Variants in ACTR8 observed in about 807,000 individuals in gnomAD.
ACTR8 encodes actin-related protein 8.
Under a neutral mutation model 84.3 loss-of-function variants are expected in ACTR8, and 70 were observed. That is an observed-to-expected ratio of 0.83 (90% CI 0.68 to 1.01). The LOEUF (loss-of-function observed/expected upper bound fraction) is 1.01, where lower values mean the gene tolerates loss of function less well. Ranked by LOEUF, ACTR8 falls within the 50% of genes least tolerant of loss-of-function variation. The pLI is 0.00. For missense variants in ACTR8, 672 were observed against 775.4 expected, an observed-to-expected ratio of 0.87 and a Z score of 1.58; for synonymous variants, 268 against 275.2, an observed-to-expected ratio of 0.97 and a Z score of 0.26.
chr3:53,864,949 A>C (rs895231805), downstream of ACTR8: 61 of 1,614,056 alleles, frequency 3.8e-5, no homozygotes, highest in Non-Finnish European at 5.0e-5. Flanking sequence ...GTGGCTTGCC[A>C]CTCAAAAGAA....
chr3:53,864,763 T>C, downstream of ACTR8: 4 of 1,608,716 alleles, frequency 2.5e-6, no homozygotes, highest in Non-Finnish European at 3.4e-6. Context: ...CAAGAAGACT[T>C]CCTTTTCTAC....
At position 53,868,820 on chromosome 3, in the gene ACTR8, A is replaced by G; in HGVS notation, c.1774T>C (p.Leu592=). 6.2e-7 allele frequency: 1 copy of G among 1,614,228 alleles called. No homozygotes were observed. The highest frequency in any genetic ancestry group is 8.5e-7 in the Non-Finnish European group (1 of 1,180,040). The stretch of plus-strand genomic sequence containing the variant: ...TCCTGTGTTGTATCCAAACAAGCCA[A>G]CACTGCCCCTCCTTTCCATGCAATC... The part of the protein sequence containing the change: ...RLIAWKGGAV[L]ACLDTTQELW... The change falls in exon 13 of 13, where the codon TTG becomes CTG. Residue 592 remains leucine (L), a synonymous_variant. Transcript: ENST00000335754.
In ACTR8 at chr3:53,869,961, T is replaced by C. The variant is rs74431192; in HGVS notation, c.1731+21A>G. 11,097 of 1,612,964 alleles carry C rather than the reference T, an allele frequency of 6.9e-3. 50 individuals carry two copies. Among genetic ancestry groups the C allele is most frequent in the African/African-American group, 0.011 (822 of 75,012 alleles). The stretch of plus-strand genomic sequence containing the variant: ...TGGTTTCATTTGCATACAGTCCAAC[T>C]TGCACAATGAAACAACCTACCTTAG... On this transcript the variant is annotated intron_variant, in intron 12 of 12. Coordinates refer to ENST00000335754, the MANE Select transcript of ACTR8 (RefSeq NM_022899.5).
At position 53,877,683 on chromosome 3, in the gene ACTR8, G is replaced by A; in HGVS notation, c.474C>T (p.Asn158=). 6.2e-7 allele frequency: 1 copy of A among 1,614,100 alleles called. No individual in the cohort carries two copies. The highest frequency in any genetic ancestry group is 8.5e-7 in the Non-Finnish European group (1 of 1,179,996). ...CTAAATACTCAGGGTGATGAGATGTGTTTGTCCACTTATTTCCCGAACAGT... is the reference window on the plus strand; with the variant it reads ...CTAAATACTCAGGGTGATGAGATGTATTTGTCCACTTATTTCCCGAACAGT... ...LDHCSGNKWT[N]TSHHPEYLVG... The change falls in exon 4 of 13, where the codon AAC becomes AAT. Residue 158 remains asparagine, a synonymous_variant. Transcript: ENST00000335754.
rs556990155 is a variant in ACTR8, at chr3:53,871,344, G to A, written c.1455C>T (p.Asn485=). 1.8e-5 allele frequency: 29 copies of A among 1,614,242 alleles called. No homozygotes were observed. The highest frequency in any genetic ancestry group is 5.0e-5 in the Admixed American group (3 of 60,034). The change falls in exon 11 of 13, where the codon AAC becomes AAT. Residue 485 remains asparagine (N), a synonymous_variant. Coordinates refer to ENST00000335754, the MANE Select transcript of ACTR8 (RefSeq NM_022899.5). ...SAQGDGLMAG[N]DSEEALTALM... is the part of the protein sequence containing the mutation. ...GTGCAGTGAGGGCCTCCTCGGAATC[G>A]TTGCCGGCCATCAGGCCATCTCCCT...
At chr3:53,860,028 AAAAT>A in the ACTR8 span, 2 of 830,072 alleles carry the variant, frequency 2.4e-6, no homozygotes, top group Non-Finnish European at 3.8e-6. Flanking sequence ...AAAATAATAA[AAAAT>A]AAATAAACCT....
At position 53,877,801 on chromosome 3, in the gene ACTR8, G is replaced by A. The variant is rs755087993; in HGVS notation, c.406-50C>T. ...TTATCTCAATTTATTCAAGGCGGGGGCAACATAAGGGTCTCCTTTTCTTCT... is the reference window on the plus strand; with the variant it reads ...TTATCTCAATTTATTCAAGGCGGGGACAACATAAGGGTCTCCTTTTCTTCT... On this transcript the variant is annotated intron_variant, in intron 3 of 12. Transcript: ENST00000335754. 9 of 1,496,662 alleles carry A rather than the reference G, an allele frequency of 6.0e-6. No individual in the cohort carries two copies. The East Asian group carries it at 2.1e-4, about 34-fold the overall frequency. The allele number at this position is 1,496,662 out of a possible 1,614,324, so 92.7% of individuals were successfully genotyped here. A position where few individuals can be genotyped will look rare whatever the true frequency, so the allele number is the denominator to read the frequency against.
In ACTR8 at chr3:53,871,222, A is replaced by C. The variant is rs999146302; in HGVS notation, c.1567+10T>G. 6.2e-7 allele frequency: 1 copy of C among 1,608,248 alleles called. No homozygotes were observed. The highest frequency in any genetic ancestry group is 1.3e-5 in the African/African-American group (1 of 74,836). ...CACTGCTATCTCCCGGTCTCCCCAG[A>C]TGTGCTTACAACAGCAGTCTATGCT... On this transcript the variant is annotated intron_variant, in intron 11 of 12. Transcript: ENST00000335754.
downstream of ACTR8, among the ~76,000 whole-genome samples, chr3:53,864,498 G>A (rs181601283): frequency 6.6e-6 from 1 of 152,160 alleles, no homozygotes; most frequent in African/African-American, 2.4e-5. Flanking sequence ...TCACGCCACT[G>A]CACTCCAGCC....
At chr3:53,878,604 T>G (rs1188497495) in intron 2 of ACTR8, 137 bp from the exon 3 acceptor site, 7 of 637,958 alleles carry the variant, frequency 1.1e-5, no homozygotes, top group Non-Finnish European at 2.0e-5. Context: ...TTATCACATG[T>G]ACTGCTCTTA....
the ACTR8 span, chr3:53,860,238 A>G: frequency 2.4e-5 from 39 of 1,596,012 alleles, 1 homozygote; most frequent in South Asian, 3.7e-4. Context: ...GGTAAGGGTT[A>G]TAATTCTTTA....
chr3:53,872,467 T>A lies in ACTR8; in HGVS notation c.1219A>T (p.Thr407Ser). 1.2e-6 allele frequency: 2 copies of A among 1,610,748 alleles called. No individual in the cohort carries two copies. The highest frequency in any genetic ancestry group is 1.7e-6 in the Non-Finnish European group (2 of 1,178,852). ...TFGIVGQKMT[T>S]LQHRSQGDPE... ...TCGCCCTGAGATCTGTGCTGCAAAGTCGTCATTTTCTGTCCAACGATTCCA... is the reference window on the plus strand; with the variant it reads ...TCGCCCTGAGATCTGTGCTGCAAAGACGTCATTTTCTGTCCAACGATTCCA... Residue 407 changes from threonine (T) to serine (S), a missense_variant, in exon 10 of 13, where the codon ACT (threonine) becomes TCT (serine). By Grantham distance (58) the Thr-to-Ser change is moderately conservative (BLOSUM62 1). Transcript: ENST00000335754.
chr3:53,866,475 T>A (rs1022791481), downstream of ACTR8, among the ~76,000 whole-genome samples: 3 of 152,184 alleles, frequency 2.0e-5, no homozygotes, highest in Middle Eastern at 3.4e-3. Context: ...GCATCTTTTT[T>A]AAATTTTTTA....
At chr3:53,869,773 G>C (rs1225120014) in intron 12 of ACTR8, among the ~76,000 whole-genome samples, 2 of 152,178 alleles carry the variant, frequency 1.3e-5, no homozygotes, top group African/African-American at 4.8e-5. Context: ...AGTTTGGGGA[G>C]CACGGCAGGG....
intron 1 of ACTR8, among the ~76,000 whole-genome samples, chr3:53,881,006 C>G (rs1700049851): frequency 6.6e-6 from 1 of 152,248 alleles, no homozygotes; most frequent in Non-Finnish European, 1.5e-5. Context: ...TCACCCCCCA[C>G]AGAGTGGGAG....
At chr3:53,874,411 G>C (rs1323547421) in intron 7 of ACTR8, 47 bp from the exon 8 acceptor site, 1 of 1,574,512 alleles carries the variant, frequency 6.4e-7, no homozygotes, top group Non-Finnish European at 8.6e-7. Context: ...TGGTTAAGAA[G>C]GTGCAAAAGG....
rs201796393 is a variant in ACTR8 at position 53,872,524 on chromosome 3, C to A, written c.1162G>T (p.Ala388Ser). Residue 388 changes from alanine to serine, a missense_variant and splice_region_variant, in exon 10 of 13, where the codon GCT (alanine) becomes TCT (serine). Ala to Ser is a moderately conservative substitution (Grantham distance 99). Coordinates refer to ENST00000335754, the MANE Select transcript of ACTR8 (RefSeq NM_022899.5). ...GCGGGGTAAAACAAAGCCATTGGAG[C>A]CTGTACATGAAGAAAAAGAGTGATC... Reference protein sequence around the residue: ...QFRLGDEKLQAPMALFYPATF... With the variant: ...QFRLGDEKLQSPMALFYPATF... 144 of 1,591,552 alleles carry A rather than the reference C, an allele frequency of 9.0e-5. No individual in the cohort carries two copies. Among genetic ancestry groups the A allele is most frequent in the Non-Finnish European group, 1.2e-4 (143 of 1,172,970 alleles).
Position 53,875,380 on chromosome 3 carries a change from G to A in ACTR8, c.911+568C>T, listed in dbSNP as rs538306698. ...TCTGGAGCACAAAATGCTTCAGAGA[G>A]CCCATACCTGCATTACCTGAGTGTG... On this transcript the variant is annotated intron_variant, in intron 7 of 12. Coordinates refer to ENST00000335754, the MANE Select transcript of ACTR8 (RefSeq NM_022899.5). Among the ~76,000 whole-genome samples the A allele has an allele frequency of 4.6e-5, 7 of 152,314 alleles. No homozygotes were observed. In the East Asian group the frequency reaches 1.2e-3, roughly 25 times the overall value.
rs1699833211 is a variant in ACTR8, at chr3:53,868,660, A to G, written c.*59T>C. 1.3e-6 allele frequency: 2 copies of G among 1,589,356 alleles called. No individual in the cohort carries two copies. On this transcript the variant is annotated 3_prime_UTR_variant, in exon 13 of 13. Transcript: ENST00000335754. ...TAAATTACAATACACATATTCTGTA[A>G]GAGTCTTTTATACCAAGAAGCTTGT...
Sources: allele counts gnomAD v4.1 joint callset (sites outside exome capture counted in the v4.1 genomes callset), GRCh38; gene constraint gnomAD v4.1.1; transcripts MANE v1.5; gene names NCBI Gene and HGNC (gene_info 2026-07-23, HGNC 2026-07-21).